The following GLIS3 variants were observed in gnomAD, a reference collection of about 807,000 sequenced individuals.
The protein encoded by GLIS3 is zinc finger protein GLIS3.
GLIS3 carries 53 observed loss-of-function variants against 78.6 expected under a neutral mutation model. The observed-to-expected ratio is 0.67, with a 90% CI of 0.54 to 0.85. The LOEUF (loss-of-function observed/expected upper bound fraction) is 0.85, where lower values mean the gene tolerates loss of function less well. Among genes scored for constraint, GLIS3 ranks in the 40% least tolerant of loss-of-function variants. The pLI is 0.00. For synonymous variants in GLIS3, 684 were observed against 509.9 expected (o/e 1.34, Z -4.60); for missense variants, 1,703 against 1,231.1 (o/e 1.38, Z -5.74).
intron 1 of GLIS3, among the ~76,000 whole-genome samples, chr9:4,297,203 C>T (rs899578357): frequency 6.6e-6 from 1 of 152,146 alleles, no homozygotes; most frequent in Non-Finnish European, 1.5e-5. Context: ...GGCTTACTCC[C>T]AAGGCAGAAA....
chr9:4,061,173 G>A (rs1014868187), intron 4 of GLIS3, among the ~76,000 whole-genome samples: 7 of 151,364 alleles, frequency 4.6e-5, no homozygotes, highest in African/African-American at 4.8e-5. Context: ...CCATTAACTC[G>A]TCATTTACAT....
intron 4 of GLIS3, among the ~76,000 whole-genome samples, chr9:3,953,062 C>T (rs1392746275): frequency 1.3e-5 from 2 of 152,170 alleles, no homozygotes; most frequent in Non-Finnish European, 2.9e-5. Flanking sequence ...AGTCAAGTCA[C>T]CACTTCTTGT....
intron 4 of GLIS3, among the ~76,000 whole-genome samples, chr9:4,084,525 G>C (rs1271380104): frequency 6.6e-6 from 1 of 152,136 alleles, no homozygotes; most frequent in African/African-American, 2.4e-5. Flanking sequence ...AGCTGGGGAG[G>C]AGGTGGAAGT....
At chr9:4,471,107 G>C in the GLIS3 span, among the ~76,000 whole-genome samples, 1 of 152,092 alleles carries the variant, frequency 6.6e-6, no homozygotes, top group Non-Finnish European at 1.5e-5. Context: ...AATAAAAGAG[G>C]ACACAAACAA....
intron 2 of GLIS3, among the ~76,000 whole-genome samples, chr9:4,319,986 TGTGTGTG>T (rs1817499653): frequency 5.1e-5 from 1 of 19,438 alleles, no homozygotes. Context: ...GAGGGGGTTG[TGTGTGTG>T]TGTGTGTGTG....
chr9:3,969,624 C>T (rs1007594058), intron 4 of GLIS3, among the ~76,000 whole-genome samples: 2 of 152,300 alleles, frequency 1.3e-5, no homozygotes, highest in African/African-American at 4.8e-5. Context: ...TCCAAAAGCC[C>T]AGGATAGCTC....
chr9:4,393,974 A>C, the GLIS3 span, among the ~76,000 whole-genome samples: 2 of 152,138 alleles, frequency 1.3e-5, no homozygotes, highest in African/African-American at 4.8e-5. Context: ...CAGAACTGCC[A>C]AAACTGAAAC....
chr9:4,272,259 C>T (rs989237269), intron 2 of GLIS3, among the ~76,000 whole-genome samples: 1 of 152,204 alleles, frequency 6.6e-6, no homozygotes, highest in Non-Finnish European at 1.5e-5. Flanking sequence ...TTCTCTGCTT[C>T]AGCTTGCTGT....
At chr9:3,994,694 G>A (rs1820601663) in intron 4 of GLIS3, among the ~76,000 whole-genome samples, 1 of 152,142 alleles carries the variant, frequency 6.6e-6, no homozygotes, top group South Asian at 2.1e-4. Context: ...GTCAGCCTGT[G>A]CTCAACCCTG....
chr9:4,232,794 A>C (rs1402803624), intron 2 of GLIS3, among the ~76,000 whole-genome samples: 1 of 152,188 alleles, frequency 6.6e-6, no homozygotes, highest in Non-Finnish European at 1.5e-5. Context: ...TTTTCCTCCT[A>C]AAATGTCCAA....
At chr9:4,473,462 A>AG in the GLIS3 span, among the ~76,000 whole-genome samples, 2 of 150,784 alleles carry the variant, frequency 1.3e-5, no homozygotes, top group Non-Finnish European at 3.0e-5. Flanking sequence ...AACAACAACA[A>AG]AAAAAAAGGA....
rs971950840 is a variant in GLIS3, at chr9:3,887,690, A to G, written c.2129-8095T>C. ...ATATGCTTCTCTGGAGTACCCTGCA[A>G]TACAACTAGAAGATAATGGCTGATG... On this transcript the variant is annotated intron_variant, in intron 7 of 10. Transcript: ENST00000381971. Among the ~76,000 whole-genome samples, 4 of 152,338 alleles carry G rather than the reference A, an allele frequency of 2.6e-5. No individual in the cohort carries two copies. The East Asian group carries it at 7.7e-4, about 29-fold the overall frequency.
intron 8 of GLIS3, among the ~76,000 whole-genome samples, chr9:3,871,110 T>C (rs1820941348): frequency 6.6e-6 from 1 of 152,180 alleles, no homozygotes; most frequent in African/African-American, 2.4e-5. Context: ...GTCAAATCTT[T>C]AAGCTCCAAA....
chr9:3,858,182 A>C (rs934021947), intron 8 of GLIS3, among the ~76,000 whole-genome samples: 1 of 152,088 alleles, frequency 6.6e-6, no homozygotes, highest in East Asian at 1.9e-4. Context: ...CTTGCTCTAG[A>C]TGGTTTTCCA....
chr9:4,472,982 G>A, the GLIS3 span, among the ~76,000 whole-genome samples: 2 of 152,024 alleles, frequency 1.3e-5, no homozygotes, highest in Admixed American at 6.6e-5. Flanking sequence ...TCCAGTAATG[G>A]GATTGCTGAG....
chr9:4,032,587 A>C (rs1419120833), intron 4 of GLIS3, among the ~76,000 whole-genome samples: 1 of 152,214 alleles, frequency 6.6e-6, no homozygotes, highest in Non-Finnish European at 1.5e-5. Flanking sequence ...AGCCTAACAA[A>C]TTTGAGTATT....
At chr9:4,183,514 T>C (rs1586905164) in intron 2 of GLIS3, among the ~76,000 whole-genome samples, 1 of 152,208 alleles carries the variant, frequency 6.6e-6, no homozygotes, top group African/African-American at 2.4e-5. Flanking sequence ...GCAGCGATCC[T>C]GAAAGCCTAT....
intron 1 of GLIS3, among the ~76,000 whole-genome samples, chr9:4,296,012 G>C (rs574003155): frequency 6.6e-6 from 1 of 152,150 alleles, no homozygotes; most frequent in African/African-American, 2.4e-5. Flanking sequence ...TTAGGGAAAA[G>C]TAAAACAGTT....
intron 2 of GLIS3, among the ~76,000 whole-genome samples, chr9:4,252,446 C>G (rs531624928): frequency 1.3e-5 from 2 of 152,150 alleles, no homozygotes; most frequent in East Asian, 3.9e-4. Flanking sequence ...TGCTGTTTTT[C>G]AGTTCCATCA....
Sources: gnomAD v4.1 joint callset for allele counts (sites outside exome capture counted in the v4.1 genomes callset) on GRCh38, gnomAD v4.1.1 for gene constraint, MANE v1.5 for transcripts, NCBI Gene and HGNC (gene_info 2026-07-23, HGNC 2026-07-21) for gene names.